The following PDIA5 variants were observed in gnomAD, a reference collection of about 807,000 sequenced individuals.
PDIA5 encodes the protein protein disulfide-isomerase A5.
PDIA5 carries 58 observed loss-of-function variants against 77.6 expected under a neutral mutation model. The ratio of observed to expected loss-of-function variants is 0.75; its 90% CI spans 0.61 to 0.93. PDIA5 has a LOEUF of 0.93. PDIA5 is among the 40% of genes least tolerant of loss of function. The pLI is 0.00. For synonymous variants in PDIA5, 250 were observed against 252.1 expected (o/e 0.99, Z 0.08); for missense variants, 630 against 647.7 (o/e 0.97, Z 0.30).
At chr3:123,119,760 C>T (rs1277265127) in intron 8 of PDIA5, among the ~76,000 whole-genome samples, 1 of 152,214 alleles carries the variant, frequency 6.6e-6, no homozygotes, top group Non-Finnish European at 1.5e-5. Context: ...ACCCCCTCCT[C>T]GCTGCTGAAA....
intron 3 of PDIA5, among the ~76,000 whole-genome samples, chr3:123,098,331 G>A (rs1012671205): frequency 1.8e-4 from 27 of 148,414 alleles, no homozygotes; most frequent in Non-Finnish European, 1.2e-4. Flanking sequence ...CCCACCCTCC[G>A]ACCCCGCCGT....
chr3:123,095,346 A>G (rs1297182933), intron 3 of PDIA5, among the ~76,000 whole-genome samples: 2 of 152,204 alleles, frequency 1.3e-5, no homozygotes, highest in Non-Finnish European at 2.9e-5. Flanking sequence ...TCACTCAGCA[A>G]CTGTTTACTG....
chr3:123,117,715 A>G (rs771617984), intron 8 of PDIA5, among the ~76,000 whole-genome samples: 6 of 151,920 alleles, frequency 3.9e-5, no homozygotes, highest in Non-Finnish European at 7.4e-5. Context: ...TTTTCTTCAT[A>G]CACTCATCTG....
intron 8 of PDIA5, 114 bp from the exon 9 acceptor site, chr3:123,123,952 G>C (rs1245605006): frequency 4.2e-6 from 3 of 721,162 alleles, no homozygotes; most frequent in Non-Finnish European, 7.5e-6. Context: ...ATCAGTCTGT[G>C]GGGCTTTGTC....
In PDIA5 at chr3:123,070,739, A is replaced by C. The variant is rs1380619574; in HGVS notation, c.42+3533A>C. 2.6e-5 allele frequency among the ~76,000 whole-genome samples: 4 copies of C among 152,146 alleles called. No homozygotes were observed. The South Asian group carries it at 6.2e-4, about 24-fold the overall frequency. On this transcript the variant is annotated intron_variant, in intron 1 of 16. Coordinates refer to ENST00000316218, the MANE Select transcript of PDIA5 (RefSeq NM_006810.4). ...GCTGTCCAGCTCAGCTCATCCCTGC[A>C]GCTGACTCTTCTCTAGGGCCGTCCA... is the stretch of plus-strand genomic sequence containing the variant.
At chr3:123,126,930 A>G (rs1935256120) in intron 10 of PDIA5, among the ~76,000 whole-genome samples, 1 of 152,036 alleles carries the variant, frequency 6.6e-6, no homozygotes, top group Non-Finnish European at 1.5e-5. Context: ...TGATCGTGGC[A>G]CTGGTGTCTT....
intron 8 of PDIA5, among the ~76,000 whole-genome samples, chr3:123,120,956 C>T (rs977410035): frequency 6.6e-6 from 1 of 152,188 alleles, no homozygotes; most frequent in Non-Finnish European, 1.5e-5. Context: ...CCTCATAGCT[C>T]GTCCTTTCTG....
At chr3:123,084,126 C>G (rs943838936) in intron 1 of PDIA5, among the ~76,000 whole-genome samples, 2 of 152,250 alleles carry the variant, frequency 1.3e-5, no homozygotes, top group African/African-American at 4.8e-5. Context: ...ATTCTCAGAT[C>G]CTGCCACTCT....
At position 123,089,270 on chromosome 3, in the gene PDIA5, G is replaced by A. The variant is rs776793534; in HGVS notation, c.145G>A (p.Val49Ile). 2.7e-5 allele frequency: 43 copies of A among 1,614,000 alleles called. No individual in the cohort carries two copies. The highest frequency in any genetic ancestry group is 5.0e-5 in the Admixed American group (3 of 60,016). ...AAAACTGCTCAGAACCCGGAATAAT[G>A]TACTGGTGCTTTACTCCAAATCTGG... ...LKKLLRTRNN[V>I]LVLYSKSEVA... is the part of the protein sequence containing the mutation. Residue 49 changes from valine (V) to isoleucine (I), a missense_variant, in exon 2 of 17, where the codon GTA becomes ATA. By Grantham distance (29) the Val-to-Ile change is conservative. Transcript: ENST00000316218.
At chr3:123,087,713 C>T (rs568260937) in intron 1 of PDIA5, among the ~76,000 whole-genome samples, 2 of 151,992 alleles carry the variant, frequency 1.3e-5, no homozygotes, top group African/African-American at 4.8e-5. Context: ...CTTTTGTAAC[C>T]GGTGAACCTT....
intron 1 of PDIA5, among the ~76,000 whole-genome samples, chr3:123,077,016 C>A (rs1933874224): frequency 6.6e-6 from 1 of 152,174 alleles, no homozygotes; most frequent in Non-Finnish European, 1.5e-5. Flanking sequence ...TGCTGCGTAG[C>A]CCCAAATGTA....
chr3:123,077,589 T>C (rs559864834), intron 1 of PDIA5, among the ~76,000 whole-genome samples: 1 of 149,294 alleles, frequency 6.7e-6, no homozygotes, highest in African/African-American at 2.5e-5. Flanking sequence ...CACACAACAA[T>C]ATCACCACCA....
intron 11 of PDIA5, 71 bp downstream of exon 11, chr3:123,130,687 C>A: frequency 6.5e-7 from 1 of 1,529,386 alleles, no homozygotes; most frequent in Non-Finnish European, 9.0e-7. Flanking sequence ...TGGCGCTTTG[C>A]AATGTGAACC....
At chr3:123,145,374 A>C (rs1935742881) in intron 11 of PDIA5, 148 bp from the exon 12 acceptor site, 2 of 612,366 alleles carry the variant, frequency 3.3e-6, no homozygotes, top group Non-Finnish European at 5.8e-6. Context: ...TGGATTATGC[A>C]AAATATTTCT....
At chr3:123,113,014 C>A in intron 7 of PDIA5, among the ~76,000 whole-genome samples, 1 of 152,178 alleles carries the variant, frequency 6.6e-6, no homozygotes, top group Non-Finnish European at 1.5e-5. Flanking sequence ...GCTACTTTAA[C>A]CCTCGCTCCT....
chr3:123,154,660 C>T (rs1935979567), intron 14 of PDIA5, among the ~76,000 whole-genome samples: 1 of 152,032 alleles, frequency 6.6e-6, no homozygotes, highest in African/African-American at 2.4e-5. Context: ...CTCCCTCTGC[C>T]CCCAAGATCA....
chr3:123,124,399 C>T (rs573032783), intron 10 of PDIA5, 56 bp downstream of exon 10: 36 of 1,306,958 alleles, frequency 2.8e-5, no homozygotes, highest in South Asian at 1.8e-4. Context: ...GGGCATCTGC[C>T]GGGCCTGAGG....
At chr3:123,082,873 G>A (rs1318840503) in intron 1 of PDIA5, among the ~76,000 whole-genome samples, 1 of 152,090 alleles carries the variant, frequency 6.6e-6, no homozygotes, top group Non-Finnish European at 1.5e-5. Flanking sequence ...AGGTCATCCT[G>A]CTATAAATGG....
At chr3:123,096,379 A>G (rs1485526332) in intron 3 of PDIA5, among the ~76,000 whole-genome samples, 1 of 151,974 alleles carries the variant, frequency 6.6e-6, no homozygotes, top group Non-Finnish European at 1.5e-5. Context: ...TATAGAGACC[A>G]GGTTTTGCCA....
Sources: gnomAD v4.1 joint callset for allele counts (sites outside exome capture counted in the v4.1 genomes callset) on GRCh38, gnomAD v4.1.1 for gene constraint, MANE v1.5 for transcripts, NCBI Gene and HGNC (gene_info 2026-07-23, HGNC 2026-07-21) for gene names.